Variants in KIFAP3 observed in about 807,000 individuals in gnomAD.
KIFAP3 encodes kinesin-associated protein 3.
A neutral mutation model predicts 106.5 loss-of-function variants in KIFAP3; 68 were observed. That is an observed-to-expected ratio of 0.64 (90% CI 0.53 to 0.78). The LOEUF is 0.78. Among genes scored for constraint, KIFAP3 ranks in the 30% least tolerant of loss-of-function variants. The probability of loss-of-function intolerance (pLI) is 0.00; values close to 1 mark genes in which losing one functional copy is unlikely to be tolerated. For synonymous variants in KIFAP3, 320 were observed against 311.5 expected (o/e 1.03, Z -0.29); for missense variants, 780 against 941.8 (o/e 0.83, Z 2.25).
intron 16 of KIFAP3, among the ~76,000 whole-genome samples, chr1:169,973,105 G>GTATATATATATATATATATATA (rs1553278126): frequency 3.3e-5 from 3 of 90,312 alleles, no homozygotes; most frequent in African/African-American, 4.6e-5. Context: ...AAAATAGTGT[G>GTATATATATATATATATATATA]TATATATATA....
intron 16 of KIFAP3, among the ~76,000 whole-genome samples, chr1:169,973,315 A>G (rs1334642083): frequency 1.3e-5 from 2 of 149,804 alleles, no homozygotes; most frequent in Non-Finnish European, 3.0e-5. Context: ...GTGAAAAGAG[A>G]TAAAAAGATT....
chr1:169,991,629 C>G lies in KIFAP3; in HGVS notation c.1284+526G>C, dbSNP rs144556022. ...ATTATCTTTTGACTTAGCTATCCTA[C>G]TTTTAAGAATTTAAACTAAAGAAAA... On this transcript the variant is annotated intron_variant, in intron 11 of 19. Transcript: ENST00000361580. Among the ~76,000 whole-genome samples, 274 of 152,188 alleles carry G rather than the reference C, an allele frequency of 1.8e-3. 1 individual carries two copies. The highest frequency in any genetic ancestry group is 6.4e-3 in the African/African-American group (267 of 41,528).
At chr1:169,960,977 C>A in intron 18 of KIFAP3, 69 bp downstream of exon 18, 1 of 1,246,814 alleles carries the variant, frequency 8.0e-7, no homozygotes, top group Admixed American at 2.2e-5. Flanking sequence ...TGGGAATGTG[C>A]AAGGCTGGCC....
intron 19 of KIFAP3, among the ~76,000 whole-genome samples, chr1:169,942,819 A>G (rs1157584873): frequency 6.6e-6 from 1 of 152,026 alleles, no homozygotes; most frequent in Non-Finnish European, 1.5e-5. Flanking sequence ...ATGAGCTGTC[A>G]TAGCAGTTCA....
At chr1:170,074,834 A>G (rs892850221), upstream of KIFAP3, 15 of 961,714 alleles carry the variant, frequency 1.6e-5, no homozygotes, top group African/African-American at 2.0e-4. Context: ...GTCCGTGTAT[A>G]AGGAGTGGCT....
intron 16 of KIFAP3, among the ~76,000 whole-genome samples, chr1:169,976,281 G>A (rs573091795): frequency 1.6e-4 from 24 of 152,180 alleles, no homozygotes; most frequent in African/African-American, 5.8e-4. Flanking sequence ...CTATAGTTAT[G>A]TAAATTTTAA....
At chr1:169,923,203 A>C in intron 19 of KIFAP3, 3 of 413,154 alleles carry the variant, frequency 7.3e-6, no homozygotes, top group Non-Finnish European at 9.8e-6. Flanking sequence ...ATAGTTTCTC[A>C]AAGTTGGTTG....
intron 10 of KIFAP3, among the ~76,000 whole-genome samples, chr1:170,013,471 TGACA>T (rs1271573877): frequency 7.0e-6 from 1 of 142,366 alleles, no homozygotes; most frequent in Non-Finnish European, 1.5e-5. Flanking sequence ...ATGAGAAAAC[TGACA>T]TACATATATA....
intron 6 of KIFAP3, 62 bp from the exon 7 acceptor site, chr1:170,034,558 GT>G (rs1191604766): frequency 1.5e-5 from 14 of 925,764 alleles, no homozygotes; most frequent in Non-Finnish European, 1.9e-5. Context: ...CAGGAAATTT[GT>G]TTTTGGTGAT....
chr1:170,069,910 T>C (rs779764672), intron 1 of KIFAP3, among the ~76,000 whole-genome samples: 4 of 152,044 alleles, frequency 2.6e-5, no homozygotes, highest in African/African-American at 4.8e-5. Flanking sequence ...CATAATCTTA[T>C]ATATAGAAAA....
rs1312874149 is a variant in KIFAP3 at position 170,055,412 on chromosome 1, A to C, written c.57T>G (p.Asp19Glu). Reference sequence around the variant, plus strand: ...TGAGTGCTTTTTCTGATGGATGTACATCTATATTCCCTCCTTTAACTTTCC... The same window carrying C: ...TGAGTGCTTTTTCTGATGGATGTACCTCTATATTCCCTCCTTTAACTTTCC... ...LKRKVKGGNI[D>E]VHPSEKALIV... The change falls in exon 2 of 20, where the codon GAT becomes GAG. Residue 19 changes from aspartate to glutamate, a missense_variant. By Grantham distance (45) the Asp-to-Glu change is conservative (BLOSUM62 2). This residue lies in a region of KIFAP3 where 588 missense variants were observed against 678.9 expected (regional missense o/e 0.87). Coordinates refer to ENST00000361580, the MANE Select transcript of KIFAP3 (RefSeq NM_014970.4). The C allele has an allele frequency of 6.2e-7, 1 of 1,600,408 alleles. No individual in the cohort carries two copies. The highest frequency in any genetic ancestry group is 8.5e-7 in the Non-Finnish European group (1 of 1,173,044).
At chr1:169,973,911 G>A (rs1490994875) in intron 16 of KIFAP3, among the ~76,000 whole-genome samples, 2 of 151,820 alleles carry the variant, frequency 1.3e-5, no homozygotes, top group African/African-American at 2.4e-5. Context: ...TCAACATACT[G>A]TAAACTTTAG....
At chr1:170,010,067 T>G (rs1272440219) in intron 10 of KIFAP3, among the ~76,000 whole-genome samples, 1 of 152,062 alleles carries the variant, frequency 6.6e-6, no homozygotes, top group African/African-American at 2.4e-5. Context: ...TCTGTCAAAG[T>G]ATAGGAATGA....
At chr1:170,022,338 C>A (rs1294859686) in intron 9 of KIFAP3, among the ~76,000 whole-genome samples, 1 of 151,986 alleles carries the variant, frequency 6.6e-6, no homozygotes, top group Non-Finnish European at 1.5e-5. Flanking sequence ...AATCTATCAG[C>A]AAGTTTGTTT....
chr1:170,057,715 T>A (rs932980411), intron 1 of KIFAP3, among the ~76,000 whole-genome samples: 2 of 152,048 alleles, frequency 1.3e-5, no homozygotes, highest in African/African-American at 4.8e-5. Flanking sequence ...GATATTTAAC[T>A]ACTGGGAGGA....
chr1:170,074,708 C>T, upstream of KIFAP3: 1 of 1,400,690 alleles, frequency 7.1e-7, no homozygotes, highest in East Asian at 2.6e-5. Flanking sequence ...GCCGGGCCGT[C>T]ACGACGCATG....
intron 1 of KIFAP3, among the ~76,000 whole-genome samples, chr1:170,065,700 T>C (rs1264637741): frequency 2.0e-5 from 3 of 149,222 alleles, no homozygotes; most frequent in African/African-American, 7.4e-5. Context: ...TCTGATACAA[T>C]AGTCACTAGC....
intron 10 of KIFAP3, among the ~76,000 whole-genome samples, chr1:169,997,451 T>C (rs1045255044): frequency 2.0e-5 from 3 of 152,148 alleles, no homozygotes; most frequent in Non-Finnish European, 2.9e-5. Context: ...ACTTGAACTG[T>C]AGTTAGAAGT....
In KIFAP3 at chr1:169,961,008, G is replaced by A. The variant is rs377454223; in HGVS notation, c.2173+38C>T. 12 of 1,540,904 alleles carry A rather than the reference G, an allele frequency of 7.8e-6. 1 individual carries two copies. Among genetic ancestry groups the A allele is most frequent in the African/African-American group, 5.5e-5 (4 of 73,304 alleles). ...TGGCCGACTAAAATCTCTATTCATAGCATATAATAAACTGTTTACTTTCGC... is the reference window on the plus strand; with the variant it reads ...TGGCCGACTAAAATCTCTATTCATAACATATAATAAACTGTTTACTTTCGC... On this transcript the variant is annotated intron_variant, in intron 18 of 19. Transcript: ENST00000361580.
Sources: allele counts gnomAD v4.1 joint callset (sites outside exome capture counted in the v4.1 genomes callset), GRCh38; gene constraint gnomAD v4.1.1; regional missense constraint gnomAD v4.1.1; transcripts MANE v1.5; gene names NCBI Gene and HGNC (gene_info 2026-07-23, HGNC 2026-07-21).